Variants in USP48 observed in about 807,000 individuals in gnomAD.
USP48 encodes the protein ubiquitin carboxyl-terminal hydrolase 48.
In USP48, 43 loss-of-function variants were observed where a neutral mutation model predicts 150.7. The ratio of observed to expected loss-of-function variants is 0.29; its 90% CI spans 0.22 to 0.37. The LOEUF is 0.37. USP48 is among the 10% of genes least tolerant of loss of function. USP48 has a pLI of 1.00. For missense variants in USP48, 813 were observed against 1,249.6 expected, an observed-to-expected ratio of 0.65 and a Z score of 5.27; for synonymous variants, 396 against 425.9, an observed-to-expected ratio of 0.93 and a Z score of 0.86.
chr1:21,680,326 C>T (rs745846143), intron 26 of USP48, among the ~76,000 whole-genome samples: 1 of 152,276 alleles, frequency 6.6e-6, no homozygotes, highest in South Asian at 2.1e-4. Context: ...GTACGAGCAC[C>T]ACCGTGTCTC....
chr1:21,748,056 C>G, intron 7 of USP48, 82 bp downstream of exon 7: 1 of 1,329,694 alleles, frequency 7.5e-7, no homozygotes, highest in African/African-American at 1.5e-5. Flanking sequence ...AAATTACAAC[C>G]ATTTTATCAT....
intron 8 of USP48, among the ~76,000 whole-genome samples, chr1:21,737,374 T>C (rs2097771016): frequency 6.6e-6 from 1 of 152,218 alleles, no homozygotes; most frequent in Non-Finnish European, 1.5e-5. Context: ...AGAATGATAC[T>C]GCACTCAGAT....
At chr1:21,694,716 A>T (rs1298665176) in intron 23 of USP48, among the ~76,000 whole-genome samples, 1 of 151,938 alleles carries the variant, frequency 6.6e-6, no homozygotes, top group Non-Finnish European at 1.5e-5. Context: ...TCTCCCATTA[A>T]ATTTCACAGC....
chr1:21,738,357 CTTT>C (rs1269797546), intron 8 of USP48, among the ~76,000 whole-genome samples: 2 of 91,424 alleles, frequency 2.2e-5, no homozygotes, highest in East Asian at 3.4e-4. Flanking sequence ...CACGCCTGGC[CTTT>C]TTTTTTTTTT....
intron 8 of USP48, among the ~76,000 whole-genome samples, chr1:21,746,405 G>A (rs907121442): frequency 1.3e-5 from 2 of 152,028 alleles, no homozygotes; most frequent in African/African-American, 2.4e-5. Context: ...AGCTGAGATC[G>A]TGTCACTGCA....
intron 22 of USP48, 72 bp from the exon 23 acceptor site, chr1:21,695,293 C>A: frequency 2.7e-6 from 4 of 1,475,788 alleles, no homozygotes; most frequent in Non-Finnish European, 3.6e-6. Flanking sequence ...TGAAGTTTTT[C>A]AGGTAAACAA....
Position 21,720,953 on chromosome 1 carries a change from C to A in USP48, c.1894+83G>T, listed in dbSNP as rs533927541. 25 of 1,555,548 alleles carry A rather than the reference C, an allele frequency of 1.6e-5. No individual in the cohort carries two copies. The Admixed American group carries it at 1.9e-4, about 12-fold the overall frequency. On this transcript the variant is annotated intron_variant, in intron 14 of 26. Coordinates refer to ENST00000308271, the MANE Select transcript of USP48 (RefSeq NM_032236.8). ...TGAGCCTCCCAAGTAGCTGGGACTA[C>A]ACGAATGAGCCACCGTGCCTGGCCC...
Position 21,701,582 on chromosome 1 carries a change from C to T in USP48, c.2643G>A (p.Pro881=), listed in dbSNP as rs766450509. ...TTTCAGAACTACTCACATTCAGTTC[C>T]GGAGCCGAATCCTTCATCACCTGAA... ...DNKKVMKDSA[P]ELNVSSSETE... is the part of the protein sequence containing the mutation. Residue 881 remains proline (P), a synonymous_variant, in exon 22 of 27, where the codon CCG becomes CCA. Transcript: ENST00000308271. 15 of 1,613,564 alleles carry T rather than the reference C, an allele frequency of 9.3e-6. No homozygotes were observed. In the East Asian group the frequency reaches 1.1e-4, roughly 12 times the overall value.
chr1:21,711,600 G>A (rs2097690395), intron 15 of USP48, among the ~76,000 whole-genome samples: 1 of 152,182 alleles, frequency 6.6e-6, no homozygotes, highest in Admixed American at 6.5e-5. Context: ...TTTCCAGGCA[G>A]GCAAATAAAA....
chr1:21,695,043 A>T, intron 23 of USP48, 23 bp downstream of exon 23: 1 of 1,603,316 alleles, frequency 6.2e-7, no homozygotes, highest in East Asian at 2.2e-5. Context: ...TCCAGAGCAA[A>T]CTTGAACAAA....
chr1:21,760,832 C>T (rs749160168), intron 1 of USP48, among the ~76,000 whole-genome samples: 27 of 152,158 alleles, frequency 1.8e-4, no homozygotes, highest in Non-Finnish European at 1.5e-4. Context: ...CAGTGGCTCA[C>T]GCCTGTAATC....
intron 22 of USP48, among the ~76,000 whole-genome samples, chr1:21,700,493 G>A (rs2097652286): frequency 6.6e-6 from 1 of 152,162 alleles, no homozygotes; most frequent in Admixed American, 6.5e-5. Context: ...GTATCAACAT[G>A]CAGACAGGCC....
intron 7 of USP48, among the ~76,000 whole-genome samples, chr1:21,747,897 G>C (rs1047888722): frequency 1.3e-5 from 2 of 151,910 alleles, no homozygotes; most frequent in African/African-American, 4.8e-5. Flanking sequence ...TACTTTCTTA[G>C]AATAAAAAAA....
rs1192799083 is a variant in USP48, at chr1:21,738,255, A to T, written c.992-1630T>A. On this transcript the variant is annotated intron_variant, in intron 8 of 26. Coordinates refer to ENST00000308271, the MANE Select transcript of USP48 (RefSeq NM_032236.8). The stretch of plus-strand genomic sequence containing the variant: ...GTATTTTTAGTAGAGACGGGGTTTC[A>T]CCATGTTGGCCAGGCTAGTCTCGAA... 3.3e-5 allele frequency among the ~76,000 whole-genome samples: 5 copies of T among 151,184 alleles called. No individual in the cohort carries two copies. In the South Asian group the frequency reaches 1.0e-3, roughly 32 times the overall value.
chr1:21,687,138 C>T (rs1183067095), intron 25 of USP48, 53 bp downstream of exon 25: 4 of 1,561,302 alleles, frequency 2.6e-6, no homozygotes, highest in South Asian at 2.3e-5. Flanking sequence ...ATCTAAAATC[C>T]CACCTCCGTC....
At chr1:21,752,376 A>G (rs2097818581) in intron 5 of USP48, 151 bp downstream of exon 5, 1 of 957,196 alleles carries the variant, frequency 1.0e-6, no homozygotes, top group East Asian at 2.8e-5. Context: ...TCACTTGTTT[A>G]TATGTTCCCA....
intron 8 of USP48, among the ~76,000 whole-genome samples, chr1:21,744,792 AAAAAAAAAAAT>A (rs1373937510): frequency 1.3e-5 from 2 of 151,052 alleles, no homozygotes; most frequent in African/African-American, 2.4e-5. Flanking sequence ...AAAAAAAAAA[AAAAAAAAAAAT>A]GCTAAGCTTT....
At chr1:21,696,104 G>C (rs997666792) in intron 22 of USP48, among the ~76,000 whole-genome samples, 1 of 152,060 alleles carries the variant, frequency 6.6e-6, no homozygotes, top group Non-Finnish European at 1.5e-5. Context: ...ACAGAACATG[G>C]AACAATCTAA....
At chr1:21,691,750 T>G (rs2097601736) in intron 23 of USP48, among the ~76,000 whole-genome samples, 1 of 152,222 alleles carries the variant, frequency 6.6e-6, no homozygotes, top group Non-Finnish European at 1.5e-5. Context: ...TGTTTACCTC[T>G]GGAGGGCAAG....
Sources: allele counts gnomAD v4.1 joint callset (sites outside exome capture counted in the v4.1 genomes callset), GRCh38; gene constraint gnomAD v4.1.1; transcripts MANE v1.5; gene names NCBI Gene and HGNC (gene_info 2026-07-23, HGNC 2026-07-21).